Variants in GRIK1 observed in about 807,000 individuals in gnomAD.
GRIK1 encodes the protein glutamate ionotropic receptor kainate type subunit 1.
Under a neutral mutation model 105.7 loss-of-function variants are expected in GRIK1, and 69 were observed. The observed-to-expected ratio is 0.65, with a 90% CI of 0.54 to 0.80. The LOEUF (loss-of-function observed/expected upper bound fraction) is 0.80, where lower values mean the gene tolerates loss of function less well. GRIK1 is among the 30% of genes least tolerant of loss of function. The pLI, the probability that GRIK1 is intolerant of heterozygous loss-of-function variation, is 0.00. For missense variants in GRIK1, 1,109 were observed against 1,167.3 expected, an observed-to-expected ratio of 0.95 and a Z score of 0.73; for synonymous variants, 438 against 431.3, an observed-to-expected ratio of 1.02 and a Z score of -0.19.
intron 1 of GRIK1, among the ~76,000 whole-genome samples, chr21:29,796,264 A>G (rs145502963): frequency 1.4e-3 from 207 of 152,304 alleles, no homozygotes; most frequent in African/African-American, 4.9e-3. Flanking sequence ...TCTTCATTCT[A>G]TCCCCAAGGC....
chr21:29,818,352 C>T (rs1201212807), intron 1 of GRIK1, among the ~76,000 whole-genome samples: 5 of 152,042 alleles, frequency 3.3e-5, no homozygotes, highest in East Asian at 1.9e-4. Flanking sequence ...TACATTCTCA[C>T]GAAGGAAAGG....
At chr21:29,586,236 A>G (rs1048716503) in intron 12 of GRIK1, among the ~76,000 whole-genome samples, 3 of 152,256 alleles carry the variant, frequency 2.0e-5, no homozygotes, top group Non-Finnish European at 4.4e-5. Context: ...TATAAGGCCT[A>G]GAGAACATCA....
At chr21:29,928,085 A>G (rs1358850611) in intron 1 of GRIK1, among the ~76,000 whole-genome samples, 4 of 152,166 alleles carry the variant, frequency 2.6e-5, no homozygotes, top group Non-Finnish European at 5.9e-5. Context: ...CATAAAATAC[A>G]TTAACACTAA....
At chr21:29,823,039 T>A (rs1056899967) in intron 1 of GRIK1, among the ~76,000 whole-genome samples, 1 of 151,988 alleles carries the variant, frequency 6.6e-6, no homozygotes, top group Admixed American at 6.6e-5. Flanking sequence ...TGATCCTGGA[T>A]AAGGTGCTTC....
chr21:29,865,003 A>T (rs2068757008), intron 1 of GRIK1, among the ~76,000 whole-genome samples: 1 of 152,220 alleles, frequency 6.6e-6, no homozygotes, highest in Non-Finnish European at 1.5e-5. Flanking sequence ...ATGAAGCATT[A>T]TCCAGCTCTG....
intron 1 of GRIK1, among the ~76,000 whole-genome samples, chr21:29,884,851 G>A (rs2069551878): frequency 6.6e-6 from 1 of 151,856 alleles, no homozygotes; most frequent in Admixed American, 6.6e-5. Flanking sequence ...TTGCTGGAAG[G>A]GAATCTTCAA....
intron 1 of GRIK1, among the ~76,000 whole-genome samples, chr21:29,828,204 C>T (rs961491185): frequency 6.6e-6 from 1 of 151,904 alleles, no homozygotes; most frequent in African/African-American, 2.4e-5. Context: ...GTCAGGGAGG[C>T]TGCCCATATT....
At chr21:29,717,664 A>G (rs975688439) in intron 1 of GRIK1, among the ~76,000 whole-genome samples, 1 of 152,192 alleles carries the variant, frequency 6.6e-6, no homozygotes, top group Non-Finnish European at 1.5e-5. Flanking sequence ...GAAACAACTA[A>G]CTTGCTTTTG....
intron 4 of GRIK1, among the ~76,000 whole-genome samples, chr21:29,669,215 T>C (rs1191735618): frequency 1.3e-5 from 2 of 152,198 alleles, no homozygotes; most frequent in African/African-American, 4.8e-5. Flanking sequence ...TATAGACTTT[T>C]CCCCAATTTT....
At chr21:29,919,178 C>T (rs2071105824) in intron 1 of GRIK1, among the ~76,000 whole-genome samples, 1 of 152,084 alleles carries the variant, frequency 6.6e-6, no homozygotes, top group Admixed American at 6.6e-5. Context: ...CTCAAAGCCA[C>T]AAGCTGTTCC....
chr21:29,793,694 T>C (rs182294461), intron 1 of GRIK1, among the ~76,000 whole-genome samples: 1 of 152,204 alleles, frequency 6.6e-6, no homozygotes, highest in African/African-American at 2.4e-5. Context: ...AAAGGGCTAC[T>C]AGAAGACCAG....
chr21:29,837,561 G>A (rs1335898877), intron 1 of GRIK1, among the ~76,000 whole-genome samples: 1 of 152,144 alleles, frequency 6.6e-6, no homozygotes, highest in African/African-American at 2.4e-5. Flanking sequence ...ACAGCAAAGA[G>A]AAGTCTGGGA....
At chr21:29,569,571 G>A (rs527383776) in intron 14 of GRIK1, among the ~76,000 whole-genome samples, 1 of 152,278 alleles carries the variant, frequency 6.6e-6, no homozygotes, top group African/African-American at 2.4e-5. Flanking sequence ...AAGAAGACTA[G>A]CTGGTATTCC....
chr21:29,850,562 A>G (rs2068273556), intron 1 of GRIK1, among the ~76,000 whole-genome samples: 1 of 152,198 alleles, frequency 6.6e-6, no homozygotes, highest in African/African-American at 2.4e-5. Flanking sequence ...CCAGGAATGG[A>G]TAAGGTGGTC....
intron 1 of GRIK1, among the ~76,000 whole-genome samples, chr21:29,836,271 C>G (rs1186594933): frequency 6.6e-6 from 1 of 152,120 alleles, no homozygotes; most frequent in Non-Finnish European, 1.5e-5. Context: ...TGAGAAATAA[C>G]ATTCTCTTGG....
At chr21:29,558,376 TCACACA>T (rs35594883) in intron 15 of GRIK1, among the ~76,000 whole-genome samples, 2 of 146,932 alleles carry the variant, frequency 1.4e-5, no homozygotes, top group African/African-American at 2.5e-5. Context: ...TATATATATT[TCACACA>T]CACACACACA....
chr21:29,600,473 C>T (rs969735465), intron 7 of GRIK1, among the ~76,000 whole-genome samples: 6 of 152,170 alleles, frequency 3.9e-5, no homozygotes, highest in African/African-American at 1.4e-4. Flanking sequence ...TTGAGTTTCA[C>T]TTACAAATAG....
intron 3 of GRIK1, 109 bp downstream of exon 3, chr21:29,689,618 TA>T: frequency 2.2e-6 from 2 of 900,044 alleles, no homozygotes; most frequent in Non-Finnish European, 3.6e-6. Context: ...TAGCTTTATA[TA>T]AAAGAGCATT....
At chr21:29,684,576 T>C (rs576870291) in intron 3 of GRIK1, among the ~76,000 whole-genome samples, 2 of 152,286 alleles carry the variant, frequency 1.3e-5, no homozygotes, top group South Asian at 2.1e-4. Flanking sequence ...GGTGCGATCT[T>C]GGCGCACTGC....
Sources: allele counts gnomAD v4.1 joint callset (sites outside exome capture counted in the v4.1 genomes callset), GRCh38; gene constraint gnomAD v4.1.1; transcripts MANE v1.5; gene names NCBI Gene and HGNC (gene_info 2026-07-23, HGNC 2026-07-21).